ARHGEF3: variants seen among roughly 807,000 people sequenced by gnomAD.
The protein encoded by ARHGEF3 is Rho guanine nucleotide exchange factor 3, also known as 59.8 kDA protein.
ARHGEF3 carries 28 observed loss-of-function variants against 63.2 expected under a neutral mutation model. That is an observed-to-expected ratio of 0.44 (90% CI 0.33 to 0.61). The LOEUF is 0.61. Ranked by LOEUF, ARHGEF3 falls within the 20% of genes least tolerant of loss-of-function variation. The pLI is 0.03. For missense variants in ARHGEF3, 533 were observed against 659.3 expected (o/e 0.81, Z 2.10); for synonymous variants, 266 against 254.2 (o/e 1.05, Z -0.44).
chr3:56,947,087 TG>T (rs1425758358), intron 3 of ARHGEF3, among the ~76,000 whole-genome samples: 1 of 152,216 alleles, frequency 6.6e-6, no homozygotes, highest in African/African-American at 2.4e-5. Context: ...TGAGAGATTT[TG>T]TCACCACCAG....
intron 4 of ARHGEF3, among the ~76,000 whole-genome samples, chr3:56,878,256 G>A (rs1171598007): frequency 6.6e-6 from 1 of 152,182 alleles, no homozygotes; most frequent in Non-Finnish European, 1.5e-5. Flanking sequence ...GGGGAGGCAA[G>A]CTCCCTGAAA....
At chr3:56,824,942 G>T (rs2038656371) in intron 4 of ARHGEF3, among the ~76,000 whole-genome samples, 1 of 152,196 alleles carries the variant, frequency 6.6e-6, no homozygotes, top group Non-Finnish European at 1.5e-5. Context: ...AAAAAAGAGT[G>T]AAGAAACTCT....
intron 1 of ARHGEF3, among the ~76,000 whole-genome samples, chr3:56,776,784 G>A (rs111728623): frequency 3.2e-4 from 48 of 152,244 alleles, no homozygotes; most frequent in African/African-American, 1.1e-3. Flanking sequence ...ACGCTTCCTA[G>A]TCCAACAACT....
chr3:57,047,145 C>G (rs937051277), intron 1 of ARHGEF3, among the ~76,000 whole-genome samples: 2 of 152,174 alleles, frequency 1.3e-5, no homozygotes, highest in Non-Finnish European at 2.9e-5. Context: ...GTCAGGAGTT[C>G]AAGCCCAATC....
At chr3:57,012,267 T>C (rs1247017092) in intron 2 of ARHGEF3, among the ~76,000 whole-genome samples, 1 of 152,068 alleles carries the variant, frequency 6.6e-6, no homozygotes, top group Non-Finnish European at 1.5e-5. Flanking sequence ...GTTGTTGCTG[T>C]TGTTGTTGTT....
At chr3:57,053,209 GCT>G (rs1704751179) in intron 1 of ARHGEF3, among the ~76,000 whole-genome samples, 1 of 152,180 alleles carries the variant, frequency 6.6e-6, no homozygotes, top group African/African-American at 2.4e-5. Context: ...TCAAGCGCCT[GCT>G]CTCTTTAGGA....
intron 2 of ARHGEF3, among the ~76,000 whole-genome samples, chr3:57,032,829 T>C (rs2107215652): frequency 6.6e-6 from 1 of 152,144 alleles, no homozygotes; most frequent in Non-Finnish European, 1.5e-5. Context: ...TGGGGGAGTA[T>C]AAGTATACTC....
At chr3:56,944,574 T>C (rs1348781471) in intron 3 of ARHGEF3, among the ~76,000 whole-genome samples, 34 of 142,312 alleles carry the variant, frequency 2.4e-4, no homozygotes, top group African/African-American at 8.1e-4. Context: ...GTTTCTTTTT[T>C]TTTTTTTTTT....
chr3:56,994,167 C>T (rs1254674556), intron 2 of ARHGEF3, among the ~76,000 whole-genome samples: 2 of 148,288 alleles, frequency 1.3e-5, no homozygotes, highest in African/African-American at 2.5e-5. Context: ...TTTTTGAAAT[C>T]TCACAAGGCT....
intron 2 of ARHGEF3, among the ~76,000 whole-genome samples, chr3:57,017,912 G>GA (rs955840683): frequency 2.0e-5 from 3 of 152,110 alleles, no homozygotes; most frequent in African/African-American, 7.2e-5. Flanking sequence ...AACGAGCTTG[G>GA]AAAAAAACTT....
At chr3:57,017,065 C>CACA (rs758068098) in intron 2 of ARHGEF3, among the ~76,000 whole-genome samples, 1 of 148,966 alleles carries the variant, frequency 6.7e-6, no homozygotes, top group Non-Finnish European at 1.5e-5. Flanking sequence ...CACACACACA[C>CACA]GAGTCACCAA....
upstream of ARHGEF3, among the ~76,000 whole-genome samples, chr3:56,803,094 T>G (rs1164203935): frequency 1.3e-5 from 2 of 152,220 alleles, no homozygotes; most frequent in Admixed American, 1.3e-4. Context: ...TAAATAGCAT[T>G]GAACACTGTC....
chr3:56,861,543 G>C (rs187038106), intron 4 of ARHGEF3, among the ~76,000 whole-genome samples: 1 of 152,116 alleles, frequency 6.6e-6, no homozygotes, highest in African/African-American at 2.4e-5. Flanking sequence ...TAAAGCAGAG[G>C]CTTCAAAGTT....
chr3:56,906,974 TA>T (rs1282196461), intron 3 of ARHGEF3, among the ~76,000 whole-genome samples: 9 of 133,844 alleles, frequency 6.7e-5, no homozygotes, highest in African/African-American at 2.5e-4. Context: ...GCTCACATTC[TA>T]TTTTTTTTTT....
chr3:57,043,775 G>A (rs987968563), intron 1 of ARHGEF3, among the ~76,000 whole-genome samples: 1 of 152,202 alleles, frequency 6.6e-6, no homozygotes, highest in African/African-American at 2.4e-5. Context: ...GGAGGGCTGG[G>A]GCAGTGCAGT....
chr3:56,729,837 C>T (rs978913818), intron 9 of ARHGEF3, among the ~76,000 whole-genome samples: 6 of 148,636 alleles, frequency 4.0e-5, no homozygotes, highest in African/African-American at 1.3e-4. Flanking sequence ...CTGCCCTCGT[C>T]GCTCTCAGAA....
At chr3:56,971,710 T>C (rs997278366) in intron 2 of ARHGEF3, among the ~76,000 whole-genome samples, 1 of 151,204 alleles carries the variant, frequency 6.6e-6, no homozygotes, top group Middle Eastern at 3.4e-3. Flanking sequence ...AAAAAATTAG[T>C]GGGCATGGTG....
chr3:57,006,809 C>G (rs553342758), intron 2 of ARHGEF3, among the ~76,000 whole-genome samples: 1 of 152,306 alleles, frequency 6.6e-6, no homozygotes, highest in African/African-American at 2.4e-5. Flanking sequence ...AACCAATGAA[C>G]CAGCATCTCC....
intron 2 of ARHGEF3, among the ~76,000 whole-genome samples, chr3:57,033,415 GT>G (rs34811326): frequency 0.26 from 36,336 of 139,970 alleles, 4,745 homozygotes; most frequent in Middle Eastern, 0.32. Context: ...CTTGGCTGCA[GT>G]AAAAAAAAAA....
Sources: allele counts gnomAD v4.1 joint callset (sites outside exome capture counted in the v4.1 genomes callset), GRCh38; gene constraint gnomAD v4.1.1; transcripts MANE v1.5; gene names NCBI Gene and HGNC (gene_info 2026-07-23, HGNC 2026-07-21).